SCFD2: variants seen among roughly 807,000 people sequenced by gnomAD.
SCFD2 encodes the protein sec1 family domain containing 2, also known as sec1 family domain-containing protein 2.
SCFD2 carries 54 observed loss-of-function variants against 58.9 expected under a neutral mutation model. The observed-to-expected ratio is 0.92, with a 90% CI of 0.74 to 1.15. SCFD2 has a LOEUF of 1.15. Ranked by LOEUF, SCFD2 falls within the 50% of genes most tolerant of loss-of-function variation. The pLI is 0.00. For synonymous variants in SCFD2, 321 were observed against 335.9 expected (o/e 0.96, Z 0.49); for missense variants, 805 against 836.6 (o/e 0.96, Z 0.47).
rs1409724541 is a variant in SCFD2 at position 53,283,118 on chromosome 4, A to G, written c.1136-9117T>C. 2.0e-5 allele frequency among the ~76,000 whole-genome samples: 3 copies of G among 152,216 alleles called. No individual in the cohort carries two copies. In the East Asian group the frequency reaches 5.8e-4, roughly 29 times the overall value. ...ATATATCCATGTACTCACCAACCAGAGCAAGGTATAAAACATGTCAAGCAC... is the reference window on the plus strand; with the variant it reads ...ATATATCCATGTACTCACCAACCAGGGCAAGGTATAAAACATGTCAAGCAC... On this transcript the variant is annotated intron_variant, in intron 3 of 8. Transcript: ENST00000401642.
intron 5 of SCFD2, among the ~76,000 whole-genome samples, chr4:53,084,840 C>G (rs1724259193): frequency 6.6e-6 from 1 of 152,178 alleles, no homozygotes; most frequent in African/African-American, 2.4e-5. Context: ...GTTCAACATT[C>G]CTTCATGATA....
At chr4:53,135,074 AT>A (rs1046665833) in intron 5 of SCFD2, among the ~76,000 whole-genome samples, 32 of 148,556 alleles carry the variant, frequency 2.2e-4, no homozygotes, top group African/African-American at 2.0e-4. Flanking sequence ...AACAAATGTA[AT>A]TTTTTTTTTT....
At chr4:52,957,141 T>G (rs1720730161) in intron 5 of SCFD2, 1 of 150,582 alleles carries the variant, frequency 6.6e-6, no homozygotes. Context: ...GCAGAAGGAG[T>G]GGGGTTGTAA....
chr4:53,302,813 T>A (rs914673034), intron 3 of SCFD2, among the ~76,000 whole-genome samples: 4 of 152,332 alleles, frequency 2.6e-5, no homozygotes, highest in African/African-American at 9.6e-5. Context: ...TACAACTATC[T>A]GTTCTTTGAC....
chr4:53,291,055 A>C (rs891679680), intron 3 of SCFD2, among the ~76,000 whole-genome samples: 3 of 152,102 alleles, frequency 2.0e-5, no homozygotes, highest in Non-Finnish European at 4.4e-5. Flanking sequence ...AGCCCACACA[A>C]AAAAATTAGA....
chr4:53,251,673 A>C (rs1460016438), intron 4 of SCFD2, among the ~76,000 whole-genome samples: 2 of 152,104 alleles, frequency 1.3e-5, no homozygotes, highest in Non-Finnish European at 2.9e-5. Flanking sequence ...GCCTTTGACA[A>C]AATTCAACAA....
At chr4:53,189,852 C>T (rs1727843269) in intron 4 of SCFD2, among the ~76,000 whole-genome samples, 1 of 152,182 alleles carries the variant, frequency 6.6e-6, no homozygotes. Flanking sequence ...ATATTGGCTA[C>T]ATCCTTAAGT....
At chr4:53,046,681 T>A (rs546173402) in intron 5 of SCFD2, among the ~76,000 whole-genome samples, 4 of 152,236 alleles carry the variant, frequency 2.6e-5, no homozygotes, top group Non-Finnish European at 4.4e-5. Flanking sequence ...GTTGTTTTTT[T>A]CTTTGAGACA....
At chr4:53,346,597 ACTTAC>A (rs951583246) in intron 2 of SCFD2, among the ~76,000 whole-genome samples, 2 of 152,116 alleles carry the variant, frequency 1.3e-5, no homozygotes, top group African/African-American at 4.8e-5. Flanking sequence ...TAATGTTACA[ACTTAC>A]TCAATCATTT....
intron 5 of SCFD2, among the ~76,000 whole-genome samples, chr4:53,047,861 T>C (rs1723082167): frequency 6.6e-6 from 1 of 152,180 alleles, no homozygotes; most frequent in East Asian, 1.9e-4. Flanking sequence ...CTTGAACTGA[T>C]AATATTTTGC....
intron 5 of SCFD2, among the ~76,000 whole-genome samples, chr4:53,132,655 G>C (rs1421077866): frequency 6.6e-6 from 1 of 152,124 alleles, no homozygotes; most frequent in Non-Finnish European, 1.5e-5. Context: ...TAGCTGAGTG[G>C]GTGGATTTGA....
At chr4:53,239,655 T>C (rs564951023) in intron 4 of SCFD2, among the ~76,000 whole-genome samples, 1 of 152,270 alleles carries the variant, frequency 6.6e-6, no homozygotes, top group Admixed American at 6.5e-5. Context: ...CAGCTAATTT[T>C]GTATTTTTTA....
intron 5 of SCFD2, among the ~76,000 whole-genome samples, chr4:52,941,717 A>T (rs1332710115): frequency 6.6e-6 from 1 of 152,218 alleles, no homozygotes; most frequent in Non-Finnish European, 1.5e-5. Flanking sequence ...GATAGGGATG[A>T]GGGAAATTTA....
At chr4:53,215,782 T>G (rs934569820) in intron 4 of SCFD2, among the ~76,000 whole-genome samples, 1 of 152,206 alleles carries the variant, frequency 6.6e-6, no homozygotes, top group Middle Eastern at 3.4e-3. Flanking sequence ...GGCTGTGGGT[T>G]TGTCATAAAT....
intron 5 of SCFD2, among the ~76,000 whole-genome samples, chr4:52,947,967 C>CA (rs1720481027): frequency 1.3e-5 from 1 of 74,872 alleles, no homozygotes; most frequent in Non-Finnish European, 2.6e-5. Flanking sequence ...GAAAAATAGG[C>CA]CAAAAAAAAA....
At chr4:53,110,102 T>A (rs998980827) in intron 5 of SCFD2, among the ~76,000 whole-genome samples, 21 of 147,992 alleles carry the variant, frequency 1.4e-4, no homozygotes, top group African/African-American at 4.9e-4. Flanking sequence ...CCTACAACCA[T>A]CTGATCTTTA....
At chr4:52,940,695 G>T (rs1720270691) in intron 5 of SCFD2, among the ~76,000 whole-genome samples, 1 of 152,108 alleles carries the variant, frequency 6.6e-6, no homozygotes, top group Non-Finnish European at 1.5e-5. Flanking sequence ...TTTTTCTGAG[G>T]GCTCGGCCAG....
chr4:53,193,968 G>A (rs2148960417), intron 4 of SCFD2, among the ~76,000 whole-genome samples: 1 of 152,246 alleles, frequency 6.6e-6, no homozygotes, highest in Non-Finnish European at 1.5e-5. Context: ...CTGGCGATCA[G>A]CATCAAGTCA....
chr4:53,250,468 A>G (rs1322936204), intron 4 of SCFD2, among the ~76,000 whole-genome samples: 1 of 152,160 alleles, frequency 6.6e-6, no homozygotes, highest in African/African-American at 2.4e-5. Flanking sequence ...ACATCTACAG[A>G]ACTCTCCACC....
Sources: gnomAD v4.1 joint callset for allele counts (sites outside exome capture counted in the v4.1 genomes callset) on GRCh38, gnomAD v4.1.1 for gene constraint, MANE v1.5 for transcripts, NCBI Gene and HGNC (gene_info 2026-07-23, HGNC 2026-07-21) for gene names.